SNTB2: variants seen among roughly 807,000 people sequenced by gnomAD.
SNTB2 encodes the protein syntrophin beta 2, also known as beta-2-syntrophin.
Under a neutral mutation model 46.2 loss-of-function variants are expected in SNTB2, and 34 were observed. The observed-to-expected ratio is 0.74, with a 90% confidence interval of 0.56 to 0.98. SNTB2 has a LOEUF of 0.98. Ranked by LOEUF, SNTB2 falls within the 50% of genes least tolerant of loss-of-function variation. The pLI is 0.00. For synonymous variants in SNTB2, 290 were observed against 312.6 expected (o/e 0.93, Z 0.76); for missense variants, 603 against 731.4 (o/e 0.82, Z 2.02).
intron 3 of SNTB2, among the ~76,000 whole-genome samples, chr16:69,269,385 CGT>C (rs1964916739): frequency 6.6e-6 from 1 of 150,820 alleles, no homozygotes; most frequent in Admixed American, 6.6e-5. Flanking sequence ...GGCGTGGTGG[CGT>C]ACACCTGTAG....
chr16:69,305,587 A>C lies in SNTB2; in HGVS notation c.*4663A>C, dbSNP rs1328760455. On this transcript the variant is annotated 3_prime_UTR_variant, in exon 7 of 7. Transcript: ENST00000336278. ...GATCAGATCAAATATCTATGTAATG[A>C]AAAGAGACTTACTTAAATTTGGGAT... 7 of 152,228 alleles carry C rather than the reference A, an allele frequency of 4.6e-5. No homozygotes were observed. The highest frequency in any genetic ancestry group is 1.0e-4 in the Non-Finnish European group (7 of 68,032). The allele number at this position is 152,228 out of a possible 1,614,324, so 9.4% of individuals were successfully genotyped here. A position where few individuals can be genotyped will look rare whatever the true frequency, so the allele number is the denominator to read the frequency against.
At chr16:69,195,584 C>G (rs1242331943) in intron 1 of SNTB2, among the ~76,000 whole-genome samples, 2 of 151,970 alleles carry the variant, frequency 1.3e-5, no homozygotes, top group Non-Finnish European at 2.9e-5. Flanking sequence ...GATCCAAAGG[C>G]TCAAATTATC....
chr16:69,275,370 T>G (rs1253401171), intron 4 of SNTB2, among the ~76,000 whole-genome samples: 3 of 152,216 alleles, frequency 2.0e-5, no homozygotes, highest in African/African-American at 7.2e-5. Context: ...CCAATTCATG[T>G]TGTTTCTTAA....
chr16:69,221,242 A>T (rs1166062242), intron 1 of SNTB2, among the ~76,000 whole-genome samples: 1 of 152,206 alleles, frequency 6.6e-6, no homozygotes, highest in Non-Finnish European at 1.5e-5. Context: ...TAGTGTTTAC[A>T]TGTCCCACTT....
intron 1 of SNTB2, among the ~76,000 whole-genome samples, chr16:69,221,143 T>C (rs1964399768): frequency 6.6e-6 from 1 of 152,170 alleles, no homozygotes; most frequent in African/African-American, 2.4e-5. Flanking sequence ...TTAAAAAAAA[T>C]GAATACAAAG....
At chr16:69,265,118 G>T (rs1330183893) in intron 3 of SNTB2, among the ~76,000 whole-genome samples, 2 of 152,064 alleles carry the variant, frequency 1.3e-5, no homozygotes, top group Non-Finnish European at 2.9e-5. Flanking sequence ...GTGTGGTGGC[G>T]GGCGCCTGTA....
At chr16:69,202,091 G>T (rs1964168175) in intron 1 of SNTB2, among the ~76,000 whole-genome samples, 1 of 152,112 alleles carries the variant, frequency 6.6e-6, no homozygotes, top group African/African-American at 2.4e-5. Context: ...TTTGTCCCCA[G>T]CCTTTCAGTT....
intron 1 of SNTB2, among the ~76,000 whole-genome samples, chr16:69,229,436 C>G (rs1964485912): frequency 6.7e-6 from 1 of 149,836 alleles, no homozygotes; most frequent in African/African-American, 2.5e-5. Context: ...TCCCAAAGTG[C>G]TGGGATTACA....
At chr16:69,205,727 A>G (rs1162287929) in intron 1 of SNTB2, among the ~76,000 whole-genome samples, 2 of 152,002 alleles carry the variant, frequency 1.3e-5, no homozygotes, top group African/African-American at 2.4e-5. Context: ...TTTCTCACAT[A>G]TGGCCCCCTA....
At chr16:69,217,027 A>T (rs1205349898) in intron 1 of SNTB2, among the ~76,000 whole-genome samples, 2 of 150,250 alleles carry the variant, frequency 1.3e-5, no homozygotes, top group East Asian at 1.9e-4. Flanking sequence ...ATCCCTGATC[A>T]TTTTTTTTTT....
At chr16:69,244,741 T>A (rs1177650679) in intron 1 of SNTB2, among the ~76,000 whole-genome samples, 1 of 152,232 alleles carries the variant, frequency 6.6e-6, no homozygotes, top group Non-Finnish European at 1.5e-5. Context: ...GCTTATTAGA[T>A]CATACCTTAT....
chr16:69,263,867 ATT>A (rs910168572), intron 3 of SNTB2, among the ~76,000 whole-genome samples: 1 of 145,252 alleles, frequency 6.9e-6, no homozygotes. Flanking sequence ...AATAAATGTA[ATT>A]TTTTTTTTTT....
At chr16:69,224,720 C>T (rs1414211754) in intron 1 of SNTB2, among the ~76,000 whole-genome samples, 1 of 152,146 alleles carries the variant, frequency 6.6e-6, no homozygotes, top group Non-Finnish European at 1.5e-5. Flanking sequence ...CCCTTCTCCT[C>T]CATTTATGTA....
At chr16:69,208,068 C>CATTGCACTCCAGTCTGGGTGACACAGTG (rs1964242300) in intron 1 of SNTB2, among the ~76,000 whole-genome samples, 2 of 144,074 alleles carry the variant, frequency 1.4e-5, no homozygotes, top group Non-Finnish European at 3.0e-5. Context: ...GAGATAGCAC[C>CATTGCACTCCAGTCTGGGTGACACAGTG]ATTGCACTCC....
chr16:69,201,172 G>A (rs966252217), intron 1 of SNTB2, among the ~76,000 whole-genome samples: 2 of 152,208 alleles, frequency 1.3e-5, no homozygotes, highest in African/African-American at 4.8e-5. Flanking sequence ...AATATTACAT[G>A]TGAACAGATG....
intron 5 of SNTB2, among the ~76,000 whole-genome samples, chr16:69,295,395 G>A (rs1358511681): frequency 2.6e-5 from 4 of 151,590 alleles, no homozygotes; most frequent in South Asian, 2.1e-4. Context: ...GACTACAGGC[G>A]TCTGCCACCA....
At chr16:69,253,921 G>A (rs1442208351) in intron 2 of SNTB2, among the ~76,000 whole-genome samples, 1 of 152,166 alleles carries the variant, frequency 6.6e-6, no homozygotes, top group Non-Finnish European at 1.5e-5. Flanking sequence ...TTCAGAAGGT[G>A]AACATTCTGT....
chr16:69,306,356 T>C lies in SNTB2; in HGVS notation c.*5432T>C, dbSNP rs1009604719. 6 of 152,238 alleles carry C rather than the reference T, an allele frequency of 3.9e-5. No homozygotes were observed. The highest frequency in any genetic ancestry group is 6.5e-5 in the Admixed American group (1 of 15,286). 9.4% of individuals were successfully genotyped at this position (152,238 alleles called of 1,614,324 possible). ...TTTCTTCTTTTGTTTCAAAACAAACTTGAGCTTCATTTCTTGCCACCTCTA... is the reference window on the plus strand; with the variant it reads ...TTTCTTCTTTTGTTTCAAAACAAACCTGAGCTTCATTTCTTGCCACCTCTA... On this transcript the variant is annotated 3_prime_UTR_variant, in exon 7 of 7. Coordinates refer to ENST00000336278, the MANE Select transcript of SNTB2 (RefSeq NM_006750.4).
At chr16:69,267,625 T>G (rs1374478024) in intron 3 of SNTB2, among the ~76,000 whole-genome samples, 3 of 151,844 alleles carry the variant, frequency 2.0e-5, no homozygotes, top group Admixed American at 6.6e-5. Context: ...TTAGGTTTTG[T>G]TTTTTTTGCT....
Sources: allele counts gnomAD v4.1 joint callset (sites outside exome capture counted in the v4.1 genomes callset), GRCh38; gene constraint gnomAD v4.1.1; transcripts MANE v1.5; gene names NCBI Gene and HGNC (gene_info 2026-07-23, HGNC 2026-07-21).